PCDHA3: variants seen among roughly 807,000 people sequenced by gnomAD.
PCDHA3 encodes protocadherin alpha 3, also known as protocadherin alpha-3.
A neutral mutation model predicts 62.2 loss-of-function variants in PCDHA3; 41 were observed. That is an observed-to-expected ratio of 0.66 (90% CI 0.51 to 0.86). The LOEUF (loss-of-function observed/expected upper bound fraction) is 0.86. Among genes scored for constraint, PCDHA3 ranks in the 40% least tolerant of loss-of-function variants. The pLI is 0.00. For synonymous variants in PCDHA3, 640 were observed against 555.4 expected (o/e 1.15, Z -2.14); for missense variants, 1,304 against 1,241.2 (o/e 1.05, Z -0.76).
At chr5:140,850,167 G>C (rs2041389844) in intron 1 of PCDHA3, 2 of 1,594,718 alleles carry the variant, frequency 1.3e-6, no homozygotes, top group African/African-American at 1.3e-5. Flanking sequence ...CGTGCTGGAC[G>C]AGAACGACAA....
chr5:140,823,558 G>A, intron 1 of PCDHA3: 2 of 1,613,898 alleles, frequency 1.2e-6, no homozygotes, highest in Non-Finnish European at 1.7e-6. Flanking sequence ...GAAGGTGCGC[G>A]CAGTGGACCC....
intron 1 of PCDHA3, among the ~76,000 whole-genome samples, chr5:140,922,827 A>G (rs2081011863): frequency 1.3e-5 from 2 of 152,244 alleles, no homozygotes; most frequent in South Asian, 4.1e-4. Context: ...GCATACTGCT[A>G]ATAGATGTCC....
Position 140,877,206 on chromosome 5 carries a change from C to A in PCDHA3, c.2394+73615C>A, listed in dbSNP as rs782807049. 10 of 1,613,650 alleles carry A rather than the reference C, an allele frequency of 6.2e-6. No homozygotes were observed. The highest frequency in any genetic ancestry group is 8.5e-6 in the Non-Finnish European group (10 of 1,179,798). On this transcript the variant is annotated intron_variant, in intron 1 of 3. Transcript: ENST00000522353. ...CTGGCAGCGCAGGAGGCGCAGTTAG[C>A]GAGTTGGTACCGCGGTCGGTGGGTG...
intron 1 of PCDHA3, chr5:140,966,454 C>G (rs897696652): frequency 1.6e-5 from 7 of 426,406 alleles, no homozygotes; most frequent in Non-Finnish European, 1.6e-5. Flanking sequence ...TCCCCCTCCC[C>G]CTCTGTCTTC....
At chr5:140,949,290 G>C (rs552572317) in intron 1 of PCDHA3, among the ~76,000 whole-genome samples, 5 of 151,900 alleles carry the variant, frequency 3.3e-5, no homozygotes, top group South Asian at 2.1e-4. Flanking sequence ...TGTATATTCT[G>C]TAATTGTTGG....
Position 140,856,093 on chromosome 5 carries a change from C to T in PCDHA3, c.2394+52502C>T, listed in dbSNP as rs533343357. 16 of 1,597,146 alleles carry T rather than the reference C, an allele frequency of 1.0e-5. 3 individuals are homozygous for T. Among genetic ancestry groups the T allele is most frequent in the South Asian group, 7.7e-5 (7 of 90,462 alleles). ...GCCTGGGGGTCCAGTGTCTGCTGCT[C>T]TCGCTTCTTCTCCTCGCAGCCTGGG... is the stretch of plus-strand genomic sequence containing the variant. On this transcript the variant is annotated intron_variant, in intron 1 of 3. Coordinates refer to ENST00000522353, the MANE Select transcript of PCDHA3 (RefSeq NM_018906.3).
At chr5:140,968,460 C>G (rs1554230749) in intron 1 of PCDHA3, 1 of 1,614,096 alleles carries the variant, frequency 6.2e-7, no homozygotes, top group Non-Finnish European at 8.5e-7. Flanking sequence ...ACTGTGACTG[C>G]CAACGTATAT....
rs1554122535 is a variant in PCDHA3 at position 140,803,036 on chromosome 5, T to A, written c.1839T>A (p.Pro613=). ...CGTGGCTTTCGTATGAGCTGCAGCC[T>A]GGGACCGGCGGTGCGCGCATCCCGT... ...YNAWLSYELQ[P]GTGGARIPFR... Residue 613 remains proline (P), a synonymous_variant, in exon 1 of 4, where the codon CCT becomes CCA. Transcript: ENST00000522353. 2.5e-6 allele frequency: 4 copies of A among 1,614,018 alleles called. No homozygotes were observed. In the Admixed American group the frequency reaches 6.7e-5, roughly 27 times the overall value.
intron 1 of PCDHA3, chr5:140,841,257 C>T: frequency 1.3e-6 from 2 of 1,515,268 alleles, no homozygotes; most frequent in Non-Finnish European, 1.8e-6. Context: ...TTAAAAGACT[C>T]TGAAAGTACA....
chr5:140,903,271 A>T (rs193242810), intron 1 of PCDHA3, among the ~76,000 whole-genome samples: 58 of 152,326 alleles, frequency 3.8e-4, no homozygotes, highest in African/African-American at 1.3e-3. Flanking sequence ...GGAGTGAGGT[A>T]GTGTCTCATT....
chr5:140,946,791 T>C (rs1019495660), intron 1 of PCDHA3, among the ~76,000 whole-genome samples: 4 of 151,326 alleles, frequency 2.6e-5, no homozygotes, highest in Non-Finnish European at 4.4e-5. Flanking sequence ...GCTGATCTTA[T>C]AGAAGCAGAG....
intron 1 of PCDHA3, chr5:140,929,256 A>T (rs572411725): frequency 1.9e-6 from 3 of 1,613,220 alleles, no homozygotes; most frequent in Non-Finnish European, 2.5e-6. Context: ...CTGGGGTAGG[A>T]CTGAATTTGC....
intron 1 of PCDHA3, among the ~76,000 whole-genome samples, chr5:140,819,153 C>T (rs2150103261): frequency 8.5e-5 from 13 of 152,206 alleles, no homozygotes; most frequent in African/African-American, 3.1e-4. Context: ...AATTTTTATA[C>T]AGAATTAATT....
At chr5:140,919,841 GA>G (rs1318412572) in intron 1 of PCDHA3, among the ~76,000 whole-genome samples, 1 of 152,146 alleles carries the variant, frequency 6.6e-6, no homozygotes, top group Non-Finnish European at 1.5e-5. Context: ...GTAACCTTTG[GA>G]ACCTGTGACC....
At chr5:140,805,442 T>C (rs1044859925) in intron 1 of PCDHA3, 1 of 1,036,654 alleles carries the variant, frequency 9.6e-7, no homozygotes, top group Non-Finnish European at 1.2e-6. Context: ...GGTTTTTGTG[T>C]GTGTGTGTTT....
rs140986120 is a variant in PCDHA3 at position 140,846,525 on chromosome 5, C to A, written c.2394+42934C>A. On this transcript the variant is annotated intron_variant, in intron 1 of 3. Coordinates refer to ENST00000522353, the MANE Select transcript of PCDHA3 (RefSeq NM_018906.3). ...AAGTAGCTGGGATTACAGGTGCATG[C>A]CACCATGCCCTGCTAATTTTTTGTA... 3.4e-5 allele frequency among the ~76,000 whole-genome samples: 5 copies of A among 148,378 alleles called. 1 individual carries two copies. The highest frequency in any genetic ancestry group is 1.2e-4 in the African/African-American group (5 of 40,594).
intron 1 of PCDHA3, chr5:140,875,768 G>A (rs997656321): frequency 6.2e-7 from 1 of 1,614,262 alleles, no homozygotes; most frequent in Non-Finnish European, 8.5e-7. Context: ...TGCGGGCGGA[G>A]CGCGGAGTGC....
intron 3 of PCDHA3, among the ~76,000 whole-genome samples, chr5:140,999,809 CAA>C (rs1350603380): frequency 1.3e-5 from 2 of 152,160 alleles, no homozygotes; most frequent in African/African-American, 2.4e-5. Flanking sequence ...GGGCACAAAG[CAA>C]GAGCTGTGGC....
At chr5:140,864,890 G>T (rs1554159190) in intron 1 of PCDHA3, 1 of 152,170 alleles carries the variant, frequency 6.6e-6, no homozygotes, top group Non-Finnish European at 1.5e-5. Context: ...TCATTAAGCT[G>T]CATGGTCTTC....
Sources: gnomAD v4.1 joint callset for allele counts (sites outside exome capture counted in the v4.1 genomes callset) on GRCh38, gnomAD v4.1.1 for gene constraint, MANE v1.5 for transcripts, NCBI Gene and HGNC (gene_info 2026-07-23, HGNC 2026-07-21) for gene names.